Variants in REST observed in about 807,000 individuals in gnomAD.
REST encodes the protein RE1-silencing transcription factor.
In REST, 1 loss-of-function variant was observed where a neutral mutation model predicts 30.4. The observed-to-expected ratio is 0.03, with a 90% CI of 0.01 to 0.16. The LOEUF is 0.16. Ranked by LOEUF, REST falls within the 10% of genes least tolerant of loss-of-function variation. REST has a pLI of 1.00. For synonymous variants in REST, 504 were observed against 451.1 expected, an observed-to-expected ratio of 1.12 and a Z score of -1.49; for missense variants, 1,259 against 1,329.5, an observed-to-expected ratio of 0.95 and a Z score of 0.82.
At chr4:56,921,502 G>A (rs566275935) in intron 3 of REST, among the ~76,000 whole-genome samples, 34 of 151,976 alleles carry the variant, frequency 2.2e-4, no homozygotes, top group Non-Finnish European at 4.3e-4. Flanking sequence ...CTCTGCCTCC[G>A]GGGTTCAAGC....
In REST at chr4:56,930,348, CAG is replaced by C. The variant is rs765749151; in HGVS notation, c.1493_1494del (p.Glu498GlyfsTer17). The C allele has an allele frequency of 6.2e-7, 1 of 1,613,866 alleles. No homozygotes were observed. Among genetic ancestry groups the C allele is most frequent in the Non-Finnish European group, 8.5e-7 (1 of 1,180,004 alleles). ...ACTACCAGAACTCGAAAATCAGTAACAGAGGTGAAAGAGATGGATGTGCATAC... is the reference window on the plus strand; with the variant it reads ...ACTACCAGAACTCGAAAATCAGTAACAGGTGAAAGAGATGGATGTGCATAC... On this transcript the variant is annotated frameshift_variant, in exon 4 of 4. Coordinates refer to ENST00000309042, the MANE Select transcript of REST (RefSeq NM_005612.5). LOFTEE classifies it low-confidence loss of function (END_TRUNC).
intron 3 of REST, among the ~76,000 whole-genome samples, chr4:56,922,765 A>G (rs773594855): frequency 2.3e-4 from 35 of 152,120 alleles, no homozygotes; most frequent in Non-Finnish European, 4.3e-4. Flanking sequence ...GGATATGTCC[A>G]CTTGTTTTCT....
At chr4:56,915,168 C>G (rs989976316) in intron 2 of REST, among the ~76,000 whole-genome samples, 1 of 150,026 alleles carries the variant, frequency 6.7e-6, no homozygotes, top group African/African-American at 2.5e-5. Context: ...AGTGATCCAC[C>G]CGCCGCGGCC....
At chr4:56,908,367 G>T (rs1019876076) in intron 1 of REST, among the ~76,000 whole-genome samples, 154 bp downstream of exon 1, 1 of 151,556 alleles carries the variant, frequency 6.6e-6, no homozygotes, top group Non-Finnish European at 1.5e-5. Context: ...CGGCGGCCCC[G>T]CCGGGCGGGG....
chr4:56,923,786 A>G (rs570235756), intron 3 of REST, among the ~76,000 whole-genome samples: 1 of 151,050 alleles, frequency 6.6e-6, no homozygotes, highest in African/African-American at 2.4e-5. Context: ...CAATGGTGCG[A>G]CCTCGGCTCA....
At chr4:56,923,271 T>C (rs1720534516) in intron 3 of REST, among the ~76,000 whole-genome samples, 1 of 152,042 alleles carries the variant, frequency 6.6e-6, no homozygotes, top group Non-Finnish European at 1.5e-5. Flanking sequence ...AATAAGTAAT[T>C]TTGTTGTTGT....
intron 3 of REST, 89 bp from the exon 4 acceptor site, chr4:56,929,749 TTTG>T (rs1330772874): frequency 2.6e-6 from 3 of 1,143,892 alleles, no homozygotes; most frequent in African/African-American, 3.1e-5. Context: ...TTAAATAGTC[TTTG>T]TTGTTACTTT....
rs1346305938 is a variant in REST, at chr4:56,930,129, A to C, written c.1271A>C (p.Lys424Thr). The C allele has an allele frequency of 3.7e-6, 6 of 1,613,754 alleles. No individual in the cohort carries two copies. The highest frequency in any genetic ancestry group is 1.1e-5 in the South Asian group (1 of 90,896). Residue 424 changes from lysine to threonine, a missense_variant, in exon 4 of 4, where the codon AAA (lysine) becomes ACA (threonine). Around this residue, in one of 5 missense-constraint regions of REST, gnomAD observed 856 missense variants for 772.8 expected, o/e 1.11. Coordinates refer to ENST00000309042, the MANE Select transcript of REST (RefSeq NM_005612.5). ...TCPNKTMDVS[K>T]VKLKKTKKRE... is the part of the protein sequence containing the mutation. ...CCTAATAAAACAATGGATGTCTCAA[A>C]AGTGAAACTAAAGAAAACCAAAAAA...
chr4:56,914,117 A>G (rs1560443769), intron 2 of REST, among the ~76,000 whole-genome samples: 1 of 151,638 alleles, frequency 6.6e-6, no homozygotes, highest in Non-Finnish European at 1.5e-5. Context: ...TATGGTAGAG[A>G]CAGGGTTTCG....
intron 2 of REST, among the ~76,000 whole-genome samples, chr4:56,914,763 A>G (rs1202001218): frequency 6.6e-6 from 1 of 152,112 alleles, no homozygotes; most frequent in Non-Finnish European, 1.5e-5. Flanking sequence ...CGTGTTGGCC[A>G]GGCTAGTCTT....
At chr4:56,929,538 C>G (rs1720870619) in intron 3 of REST, among the ~76,000 whole-genome samples, 1 of 152,144 alleles carries the variant, frequency 6.6e-6, no homozygotes, top group South Asian at 2.1e-4. Flanking sequence ...AATTAACATC[C>G]AGAGCCCAAT....
At chr4:56,929,044 G>A (rs1464868967) in intron 3 of REST, among the ~76,000 whole-genome samples, 1 of 151,220 alleles carries the variant, frequency 6.6e-6, no homozygotes, top group African/African-American at 2.4e-5. Flanking sequence ...GACTACAGGT[G>A]CACTCCACTA....
intron 2 of REST, among the ~76,000 whole-genome samples, chr4:56,912,736 ACTC>A (rs1032420228): frequency 6.7e-6 from 1 of 149,114 alleles, no homozygotes; most frequent in Non-Finnish European, 1.5e-5. Context: ...CTGGTCTTGA[ACTC>A]CTGACCTCGT....
chr4:56,930,332 A>T lies in REST; in HGVS notation c.1474A>T (p.Thr492Ser), dbSNP rs1230396425. The T allele has an allele frequency of 1.2e-6, 2 of 1,614,142 alleles. No homozygotes were observed. The highest frequency in any genetic ancestry group is 1.7e-6 in the Non-Finnish European group (2 of 1,180,044). The part of the protein sequence containing the change: ...NVSVIQVTTR[T>S]RKSVTEVKEM... ...GTCAGTGATCCAGGTGACTACCAGA[A>T]CTCGAAAATCAGTAACAGAGGTGAA... Residue 492 changes from threonine to serine, a missense_variant, in exon 4 of 4, where the codon ACT (threonine) becomes TCT (serine). Around this residue, in one of 5 missense-constraint regions of REST, gnomAD observed 856 missense variants for 772.8 expected, o/e 1.11. Transcript: ENST00000309042.
chr4:56,916,850 A>G (rs977492624), intron 2 of REST, among the ~76,000 whole-genome samples: 1 of 152,098 alleles, frequency 6.6e-6, no homozygotes, highest in Admixed American at 6.6e-5. Context: ...TTTTGTGTGG[A>G]CGTATGTTTT....
At chr4:56,923,883 G>A (rs1720561958) in intron 3 of REST, among the ~76,000 whole-genome samples, 1 of 151,952 alleles carries the variant, frequency 6.6e-6, no homozygotes. Context: ...CACCATGCCA[G>A]GCTAATTTTT....
In REST at chr4:56,910,949, A is replaced by C. The variant is rs757667930; in HGVS notation, c.311A>C (p.His104Pro). 1 of 1,614,226 alleles carries C rather than the reference A, an allele frequency of 6.2e-7. No homozygotes were observed. Among genetic ancestry groups the C allele is most frequent in the Admixed American group, 1.7e-5 (1 of 60,020 alleles). ...TCTGCTGATATAAAAGGTGAACCTC[A>C]TGGACTGGAAAACATGGAACTGAGA... is the stretch of plus-strand genomic sequence containing the variant. The part of the protein sequence containing the change: ...EESADIKGEP[H>P]GLENMELRSL... Residue 104 changes from histidine to proline, a missense_variant, in exon 2 of 4, where the codon CAT becomes CCT. Physicochemically the swap from His to Pro is moderately conservative, Grantham distance 77 (BLOSUM62 -2). Coordinates refer to ENST00000309042, the MANE Select transcript of REST (RefSeq NM_005612.5).
chr4:56,920,423 A>G (rs1240613142), intron 3 of REST, among the ~76,000 whole-genome samples: 1 of 151,060 alleles, frequency 6.6e-6, no homozygotes, highest in Middle Eastern at 3.2e-3. Flanking sequence ...AACATGAGAG[A>G]TTCGTCCACT....
In REST at chr4:56,930,692, C is replaced by A; in HGVS notation, c.1834C>A (p.Gln612Lys). 6.2e-7 allele frequency: 1 copy of A among 1,611,412 alleles called. No individual in the cohort carries two copies. Among genetic ancestry groups the A allele is most frequent in the Non-Finnish European group, 8.5e-7 (1 of 1,179,366 alleles). Residue 612 changes from glutamine to lysine, a missense_variant, in exon 4 of 4, where the codon CAG (glutamine) becomes AAG (lysine). By Grantham distance (53) the Gln-to-Lys change is moderately conservative. Transcript: ENST00000309042. ...EKGSAQMDPPQMGPAPTEAVQ... is the reference protein window; with the variant it reads ...EKGSAQMDPPKMGPAPTEAVQ... ...GGGATCTGCTCAGATGGACCCTCCT[C>A]AGATGGGGCCTGCTCCCACAGAGGC... is the stretch of plus-strand genomic sequence containing the variant.
Sources: allele counts gnomAD v4.1 joint callset (sites outside exome capture counted in the v4.1 genomes callset), GRCh38; gene constraint gnomAD v4.1.1; regional missense constraint gnomAD v4.1.1; transcripts MANE v1.5; gene names NCBI Gene and HGNC (gene_info 2026-07-23, HGNC 2026-07-21).